Variants in ADAM10 observed in about 807,000 individuals in gnomAD.
ADAM10 encodes the protein ADAM metallopeptidase domain 10.
Under a neutral mutation model 90.1 loss-of-function variants are expected in ADAM10, and 17 were observed. That is an observed-to-expected ratio of 0.19 (90% confidence interval 0.13 to 0.28). The LOEUF (loss-of-function observed/expected upper bound fraction) is 0.28, where lower values mean the gene tolerates loss of function less well. Among genes scored for constraint, ADAM10 ranks in the 10% least tolerant of loss-of-function variants. The pLI is 1.00. For missense variants in ADAM10, 610 were observed against 914.3 expected (o/e 0.67, Z 4.29); for synonymous variants, 310 against 298.6 (o/e 1.04, Z -0.40).
intron 1 of ADAM10, among the ~76,000 whole-genome samples, chr15:58,720,513 G>A (rs1467290962): frequency 6.6e-6 from 1 of 151,162 alleles, no homozygotes; most frequent in Non-Finnish European, 1.5e-5. Flanking sequence ...CCATTCTCCC[G>A]CCTCAGCCTC....
chr15:58,730,265 A>G (rs1279323144), intron 1 of ADAM10, among the ~76,000 whole-genome samples: 1 of 152,216 alleles, frequency 6.6e-6, no homozygotes, highest in Non-Finnish European at 1.5e-5. Flanking sequence ...CTCAGGCAAT[A>G]TACTGAGTAG....
intron 1 of ADAM10, among the ~76,000 whole-genome samples, chr15:58,723,988 T>C (rs1898947172): frequency 6.6e-6 from 1 of 152,114 alleles, no homozygotes. Context: ...CCCAGCACTA[T>C]GGGAGGCCGA....
chr15:58,679,369 T>C (rs1596060080), intron 3 of ADAM10, 87 bp from the exon 4 acceptor site: 1 of 1,183,522 alleles, frequency 8.4e-7, no homozygotes, highest in Non-Finnish European at 1.2e-6. Context: ...TGTGTGTATA[T>C]ATATACACAC....
At chr15:58,647,510 C>T (rs576978739) in intron 5 of ADAM10, among the ~76,000 whole-genome samples, 2 of 151,536 alleles carry the variant, frequency 1.3e-5, no homozygotes, top group East Asian at 1.9e-4. Flanking sequence ...GTGATCCGCC[C>T]GCCTCGGCCT....
chr15:58,675,013 T>G (rs886884393), intron 4 of ADAM10, among the ~76,000 whole-genome samples: 1 of 152,124 alleles, frequency 6.6e-6, no homozygotes, highest in African/African-American at 2.4e-5. Flanking sequence ...CTGGCCAACA[T>G]GGTGAAACCC....
intron 2 of ADAM10, among the ~76,000 whole-genome samples, chr15:58,714,292 TACACACAC>T (rs71116591): frequency 7.2e-4 from 103 of 143,018 alleles, no homozygotes; most frequent in African/African-American, 1.4e-3. Context: ...TACATACACA[TACACACAC>T]ACACACACAC....
chr15:58,720,607 T>A (rs1191051563), intron 1 of ADAM10, among the ~76,000 whole-genome samples: 2 of 151,354 alleles, frequency 1.3e-5, no homozygotes, highest in African/African-American at 4.9e-5. Context: ...TTCACCATGT[T>A]AGTCAGGATA....
At chr15:58,716,275 G>A (rs1373821170) in intron 2 of ADAM10, among the ~76,000 whole-genome samples, 1 of 152,140 alleles carries the variant, frequency 6.6e-6, no homozygotes, top group Non-Finnish European at 1.5e-5. Context: ...ATACCAAATA[G>A]TAGCCAGGAT....
intron 5 of ADAM10, among the ~76,000 whole-genome samples, chr15:58,658,508 G>C (rs1313381752): frequency 1.3e-5 from 2 of 151,712 alleles, no homozygotes; most frequent in Admixed American, 1.3e-4. Context: ...ATAACTTTTA[G>C]AATCAGTTTG....
At chr15:58,695,203 G>A (rs1459094099) in intron 2 of ADAM10, among the ~76,000 whole-genome samples, 3 of 152,070 alleles carry the variant, frequency 2.0e-5, no homozygotes, top group Non-Finnish European at 4.4e-5. Context: ...CCAGGTACAA[G>A]AACTCCAGGC....
intron 1 of ADAM10, among the ~76,000 whole-genome samples, chr15:58,742,231 C>A (rs1426533123): frequency 1.3e-5 from 2 of 152,178 alleles, no homozygotes; most frequent in African/African-American, 4.8e-5. Flanking sequence ...TGTTTACTTG[C>A]AGTAGTACAA....
intron 14 of ADAM10, among the ~76,000 whole-genome samples, chr15:58,608,102 T>C (rs1170019432): frequency 1.3e-5 from 2 of 152,138 alleles, no homozygotes; most frequent in African/African-American, 4.8e-5. Flanking sequence ...AAAACATAGT[T>C]GTCAACACAG....
chr15:58,746,168 A>C (rs1208964142), intron 1 of ADAM10, among the ~76,000 whole-genome samples: 2 of 152,206 alleles, frequency 1.3e-5, no homozygotes, highest in African/African-American at 4.8e-5. Context: ...TAGAAAAATT[A>C]TATTTCCAAG....
At chr15:58,666,184 A>T (rs565742339) in intron 4 of ADAM10, among the ~76,000 whole-genome samples, 2 of 150,646 alleles carry the variant, frequency 1.3e-5, no homozygotes, top group African/African-American at 4.9e-5. Flanking sequence ...TCTCTTCCTT[A>T]TTCAGTTTAA....
chr15:58,647,042 T>A (rs1896563781), intron 5 of ADAM10, among the ~76,000 whole-genome samples: 1 of 152,100 alleles, frequency 6.6e-6, no homozygotes, highest in Admixed American at 6.5e-5. Flanking sequence ...GGTCAATTCA[T>A]CCATTATACC....
At chr15:58,698,648 T>C (rs551350358) in intron 2 of ADAM10, among the ~76,000 whole-genome samples, 4 of 150,638 alleles carry the variant, frequency 2.7e-5, no homozygotes, top group Admixed American at 1.3e-4. Flanking sequence ...AAAGAATTCA[T>C]TGAATGAAAT....
chr15:58,703,529 ACT>A (rs2140794097), intron 2 of ADAM10, among the ~76,000 whole-genome samples: 1 of 152,282 alleles, frequency 6.6e-6, no homozygotes, highest in Admixed American at 6.5e-5. Context: ...AAGCAACCAA[ACT>A]CTGATTTTTG....
intron 5 of ADAM10, among the ~76,000 whole-genome samples, chr15:58,647,907 T>C (rs1014475513): frequency 1.6e-4 from 24 of 152,282 alleles, no homozygotes; most frequent in African/African-American, 5.1e-4. Context: ...AGTCAAACAT[T>C]TGTGAACACC....
chr15:58,692,962 G>C, intron 2 of ADAM10: 1 of 738,088 alleles, frequency 1.4e-6, no homozygotes, highest in South Asian at 1.3e-5. Context: ...GCATTCCCGA[G>C]GGTTGGGGAT....
Sources: gnomAD v4.1 joint callset for allele counts (sites outside exome capture counted in the v4.1 genomes callset) on GRCh38, gnomAD v4.1.1 for gene constraint, MANE v1.5 for transcripts, NCBI Gene and HGNC (gene_info 2026-07-23, HGNC 2026-07-21) for gene names.